The following FARS2 variants were observed in gnomAD, a reference collection of about 807,000 sequenced individuals.
FARS2 encodes phenylalanine--tRNA ligase, mitochondrial.
A neutral mutation model predicts 46.4 loss-of-function variants in FARS2; 40 were observed. The observed-to-expected ratio is 0.86, with a 90% confidence interval of 0.67 to 1.12. The LOEUF (loss-of-function observed/expected upper bound fraction) is 1.12, where lower values mean the gene tolerates loss of function less well. FARS2 is among the 50% of genes most tolerant of loss of function. The pLI is 0.00. For synonymous variants in FARS2, 234 were observed against 214.9 expected (o/e 1.09, Z -0.78); for missense variants, 513 against 567.9 (o/e 0.90, Z 0.98).
intron 5 of FARS2, among the ~76,000 whole-genome samples, chr6:5,561,964 T>C (rs770114469): frequency 1.5e-4 from 23 of 152,104 alleles, no homozygotes; most frequent in Admixed American, 3.3e-4. Context: ...TTCTTCTCCA[T>C]TTTCTTGTTT....
intron 5 of FARS2, among the ~76,000 whole-genome samples, chr6:5,548,521 G>C (rs1270290402): frequency 6.6e-6 from 1 of 152,228 alleles, no homozygotes; most frequent in East Asian, 1.9e-4. Flanking sequence ...ATAAAACCTG[G>C]CTAGGGCTGT....
chr6:5,423,134 C>T (rs1762651308), intron 3 of FARS2, among the ~76,000 whole-genome samples: 1 of 152,108 alleles, frequency 6.6e-6, no homozygotes, highest in Non-Finnish European at 1.5e-5. Flanking sequence ...TACAATGCCT[C>T]TCTGTGTAGC....
intron 3 of FARS2, among the ~76,000 whole-genome samples, chr6:5,416,663 A>G (rs1395073757): frequency 6.6e-6 from 1 of 151,912 alleles, no homozygotes; most frequent in Non-Finnish European, 1.5e-5. Context: ...TCATTTTGCT[A>G]TTTGCTTTCT....
chr6:5,329,285 A>G (rs971862416), intron 1 of FARS2, among the ~76,000 whole-genome samples: 1 of 152,192 alleles, frequency 6.6e-6, no homozygotes, highest in African/African-American at 2.4e-5. Context: ...TATCTTATTC[A>G]GTTTCTCCCA....
Position 5,744,877 on chromosome 6 carries a change from A to G in FARS2, c.1218-26414A>G, listed in dbSNP as rs180758921. ...AAAAAATAAATACATAATATAATGA[A>G]CAATTATAAAAATAATGCCCGAATC... is the stretch of plus-strand genomic sequence containing the variant. On this transcript the variant is annotated intron_variant, in intron 6 of 6. Transcript: ENST00000274680. 2.6e-4 allele frequency among the ~76,000 whole-genome samples: 40 copies of G among 152,356 alleles called. No individual in the cohort carries two copies. The East Asian group carries it at 5.4e-3, about 21-fold the overall frequency.
intron 5 of FARS2, among the ~76,000 whole-genome samples, chr6:5,556,588 A>AT (rs955939671): frequency 7.9e-5 from 12 of 151,704 alleles, no homozygotes; most frequent in Non-Finnish European, 1.3e-4. Context: ...CTATGGGCTG[A>AT]TTTTTTTGTG....
At chr6:5,520,628 T>C (rs1262236428) in intron 4 of FARS2, among the ~76,000 whole-genome samples, 1 of 152,218 alleles carries the variant, frequency 6.6e-6, no homozygotes, top group East Asian at 1.9e-4. Flanking sequence ...ATGGAAGTCT[T>C]GTTTGACTAC....
chr6:5,740,333 C>G (rs1272069476), intron 6 of FARS2, among the ~76,000 whole-genome samples: 3 of 152,114 alleles, frequency 2.0e-5, no homozygotes, highest in African/African-American at 7.2e-5. Context: ...TTTTTGGGAA[C>G]CTCATTGTAG....
chr6:5,484,069 C>T lies in FARS2; in HGVS notation c.904+52897C>T, dbSNP rs148715148. Among the ~76,000 whole-genome samples, 765 of 152,260 alleles carry T rather than the reference C, an allele frequency of 5.0e-3. 4 individuals are homozygous for T. The highest frequency in any genetic ancestry group is 0.017 in the African/African-American group (725 of 41,532). On this transcript the variant is annotated intron_variant, in intron 4 of 6. Transcript: ENST00000274680. Reference sequence around the variant, plus strand: ...AGTGAGCTAGAATCATGCCACTGCACTCCACCCTGGGCAACAGAATGAGTG... The same window carrying T: ...AGTGAGCTAGAATCATGCCACTGCATTCCACCCTGGGCAACAGAATGAGTG...
Position 5,283,307 on chromosome 6 carries a change from A to T in FARS2, c.-22+21647A>T, listed in dbSNP as rs1247413043. Among the ~76,000 whole-genome samples the T allele has an allele frequency of 2.8e-5, 4 of 143,934 alleles. No homozygotes were observed. The East Asian group carries it at 8.9e-4, about 32-fold the overall frequency. 94.4% of individuals were successfully genotyped at this position (143,934 alleles called of 152,430 possible). ...AGAATCACTTGAACCTGGGAGGTGG[A>T]TGTTGCAGTGAGCTGAGATTGTGCC... On this transcript the variant is annotated intron_variant, in intron 1 of 6. Transcript: ENST00000274680.
intron 6 of FARS2, among the ~76,000 whole-genome samples, chr6:5,643,589 T>C (rs147564912): frequency 2.2e-4 from 34 of 152,298 alleles, no homozygotes; most frequent in African/African-American, 7.5e-4. Context: ...GCTACCCTTA[T>C]ATACAAAGAT....
At chr6:5,330,335 A>T (rs1460928803) in intron 1 of FARS2, among the ~76,000 whole-genome samples, 1 of 152,122 alleles carries the variant, frequency 6.6e-6, no homozygotes, top group Non-Finnish European at 1.5e-5. Context: ...CTTTCTTTGA[A>T]CATCTCTGAG....
At chr6:5,509,090 A>G (rs889837021) in intron 4 of FARS2, among the ~76,000 whole-genome samples, 13 of 152,250 alleles carry the variant, frequency 8.5e-5, no homozygotes, top group African/African-American at 2.2e-4. Context: ...CCCAAGGGCC[A>G]CACCATAGTT....
Position 5,771,512 on chromosome 6 carries a change from G to C in FARS2, c.*83G>C. 2.1e-6 allele frequency: 3 copies of C among 1,409,800 alleles called. No homozygotes were observed. The highest frequency in any genetic ancestry group is 2.3e-5 in the Admixed American group (1 of 43,574). The allele number at this position is 1,409,800 out of a possible 1,614,324, so 87.3% of individuals were successfully genotyped here. A position where few individuals can be genotyped will look rare whatever the true frequency, so the allele number is the denominator to read the frequency against. On this transcript the variant is annotated 3_prime_UTR_variant, in exon 7 of 7. Coordinates refer to ENST00000274680, the MANE Select transcript of FARS2 (RefSeq NM_006567.5). Reference sequence around the variant, plus strand: ...AAAAAGATATGGTTTGTGAACTGGGGCATCAATCATCTTTTGATAAATGGA... The same window carrying C: ...AAAAAGATATGGTTTGTGAACTGGGCCATCAATCATCTTTTGATAAATGGA...
chr6:5,334,196 C>T (rs556134692), intron 1 of FARS2, among the ~76,000 whole-genome samples: 3 of 152,264 alleles, frequency 2.0e-5, no homozygotes, highest in African/African-American at 7.2e-5. Context: ...AGTAAAACTA[C>T]TTGGCAGTGT....
At chr6:5,402,467 A>G (rs550846722) in intron 2 of FARS2, among the ~76,000 whole-genome samples, 2 of 151,870 alleles carry the variant, frequency 1.3e-5, no homozygotes, top group East Asian at 3.9e-4. Flanking sequence ...TTTGAGTAAT[A>G]ATTTTCTATA....
At chr6:5,615,839 G>A (rs969941026) in intron 6 of FARS2, among the ~76,000 whole-genome samples, 1 of 151,762 alleles carries the variant, frequency 6.6e-6, no homozygotes, top group Non-Finnish European at 1.5e-5. Flanking sequence ...TTTCTAGAAT[G>A]CCAAGAAACC....
At chr6:5,742,331 C>G (rs936920818) in intron 6 of FARS2, among the ~76,000 whole-genome samples, 1 of 152,168 alleles carries the variant, frequency 6.6e-6, no homozygotes, top group African/African-American at 2.4e-5. Flanking sequence ...CTTCTTTTCC[C>G]ATATTTCTTA....
chr6:5,330,749 A>G (rs1308139045), intron 1 of FARS2, among the ~76,000 whole-genome samples: 1 of 152,166 alleles, frequency 6.6e-6, no homozygotes, highest in Non-Finnish European at 1.5e-5. Context: ...CAGAATATGT[A>G]TGTATTTGAG....
Sources: allele counts gnomAD v4.1 joint callset (sites outside exome capture counted in the v4.1 genomes callset), GRCh38; gene constraint gnomAD v4.1.1; transcripts MANE v1.5; gene names NCBI Gene and HGNC (gene_info 2026-07-23, HGNC 2026-07-21).